Variants in CLASP2 observed in about 807,000 individuals in gnomAD.
The protein encoded by CLASP2 is CLIP-associating protein 2.
A neutral mutation model predicts 194.4 loss-of-function variants in CLASP2; 47 were observed. That is an observed-to-expected ratio of 0.24 (90% CI 0.19 to 0.31). The LOEUF (loss-of-function observed/expected upper bound fraction) is 0.31. Among genes scored for constraint, CLASP2 ranks in the 10% least tolerant of loss-of-function variants. The pLI, the probability that CLASP2 is intolerant of heterozygous loss-of-function variation, is 1.00. For missense variants in CLASP2, 1,445 were observed against 1,823.6 expected (o/e 0.79, Z 3.78); for synonymous variants, 619 against 633.5 (o/e 0.98, Z 0.34).
intron 8 of CLASP2, among the ~76,000 whole-genome samples, chr3:33,643,246 C>T (rs1450383125): frequency 1.3e-5 from 2 of 151,698 alleles, no homozygotes; most frequent in African/African-American, 4.8e-5. Context: ...TATATTATCA[C>T]CACAAATCTC....
intron 18 of CLASP2, among the ~76,000 whole-genome samples, chr3:33,599,456 T>C: frequency 6.6e-6 from 1 of 152,132 alleles, no homozygotes; most frequent in East Asian, 1.9e-4. Flanking sequence ...ATATACCAAG[T>C]GTCCACTGAA....
intron 34 of CLASP2, among the ~76,000 whole-genome samples, chr3:33,523,030 C>T (rs1208313049): frequency 8.5e-5 from 13 of 152,096 alleles, no homozygotes; most frequent in Admixed American, 3.3e-4. Flanking sequence ...AAGCTGAGAT[C>T]GCGCCACTGC....
chr3:33,525,402 C>T (rs1439740004), intron 34 of CLASP2, among the ~76,000 whole-genome samples: 1 of 152,034 alleles, frequency 6.6e-6, no homozygotes, highest in Non-Finnish European at 1.5e-5. Flanking sequence ...CACACACCTT[C>T]AACTCAAACA....
intron 6 of CLASP2, among the ~76,000 whole-genome samples, chr3:33,672,247 C>A (rs1389357135): frequency 3.9e-5 from 6 of 152,190 alleles, no homozygotes; most frequent in Admixed American, 2.6e-4. Context: ...TGAGACAAAA[C>A]TTCCAGAGGA....
intron 34 of CLASP2, among the ~76,000 whole-genome samples, chr3:33,528,715 T>C (rs2055301986): frequency 6.6e-6 from 1 of 151,398 alleles, no homozygotes; most frequent in Non-Finnish European, 1.5e-5. Flanking sequence ...TGAGCCAAGA[T>C]TGCGCCACAG....
chr3:33,565,852 A>C (rs1429561831), intron 27 of CLASP2, among the ~76,000 whole-genome samples: 2 of 151,360 alleles, frequency 1.3e-5, no homozygotes, highest in Non-Finnish European at 2.9e-5. Context: ...TATATATAAT[A>C]AATAAAATAT....
At chr3:33,559,438 T>C (rs965143224) in intron 28 of CLASP2, 53 bp from the exon 29 acceptor site, 2 of 1,006,572 alleles carry the variant, frequency 2.0e-6, no homozygotes, top group African/African-American at 1.6e-5. Flanking sequence ...CAAGTACGCA[T>C]GTAACAGCAA....
intron 18 of CLASP2, among the ~76,000 whole-genome samples, chr3:33,599,214 TCC>T (rs2071338507): frequency 6.6e-6 from 1 of 152,134 alleles, no homozygotes; most frequent in Non-Finnish European, 1.5e-5. Context: ...AGCCTCTACT[TCC>T]TGGGCTCCAG....
intron 18 of CLASP2, among the ~76,000 whole-genome samples, chr3:33,601,182 G>A (rs113439070): frequency 0.081 from 12,352 of 151,942 alleles, 530 homozygotes; most frequent in Admixed American, 0.1. Context: ...GGATGGTCTC[G>A]ATCTCCTGAC....
intron 6 of CLASP2, among the ~76,000 whole-genome samples, chr3:33,677,877 G>GA (rs1377373280): frequency 4.6e-4 from 34 of 74,370 alleles, no homozygotes; most frequent in African/African-American, 6.6e-4. Flanking sequence ...TGCCAAAAAG[G>GA]AAAAAAAAAA....
intron 2 of CLASP2, among the ~76,000 whole-genome samples, chr3:33,691,626 A>G (rs943451530): frequency 4.6e-5 from 7 of 152,348 alleles, no homozygotes; most frequent in Middle Eastern, 3.4e-3. Flanking sequence ...TTAACACTAG[A>G]AGAATTTATC....
intron 7 of CLASP2, among the ~76,000 whole-genome samples, chr3:33,653,107 G>C (rs1278624256): frequency 2.0e-5 from 3 of 152,118 alleles, no homozygotes; most frequent in Non-Finnish European, 2.9e-5. Context: ...AAGGCTGAGG[G>C]GGAACTGTAT....
At chr3:33,510,935 C>T (rs533505034) in intron 36 of CLASP2, among the ~76,000 whole-genome samples, 171 bp from the exon 37 acceptor site, 1 of 151,742 alleles carries the variant, frequency 6.6e-6, no homozygotes, top group Non-Finnish European at 1.5e-5. Flanking sequence ...AAAGGATTGG[C>T]AAAATGTCAG....
intron 12 of CLASP2, among the ~76,000 whole-genome samples, chr3:33,614,004 T>C (rs1325358981): frequency 6.6e-6 from 1 of 151,978 alleles, no homozygotes; most frequent in Non-Finnish European, 1.5e-5. Context: ...GTCAGAACAA[T>C]TTACACTTTA....
intron 7 of CLASP2, among the ~76,000 whole-genome samples, chr3:33,655,435 C>G (rs1575323922): frequency 6.6e-6 from 1 of 152,078 alleles, no homozygotes; most frequent in Admixed American, 6.5e-5. Flanking sequence ...CATAGGGTGG[C>G]TTTATTTTAG....
rs888203238 is a variant in CLASP2, at chr3:33,523,084, AAAAC to A, written c.3788-5914_3788-5911del. Among the ~76,000 whole-genome samples, 16 of 152,342 alleles carry A rather than the reference AAAAC, an allele frequency of 1.1e-4. 1 individual carries two copies. The South Asian group carries it at 1.4e-3, about 14-fold the overall frequency. On this transcript the variant is annotated intron_variant, in intron 34 of 38. Coordinates refer to ENST00000682230, the MANE Select transcript of CLASP2 (RefSeq NM_001365631.1). ...GAGAGAGACTCCATCTCAAAAACAA[AAAAC>A]AAACAAACAAACAAATTCACTAGTG...
chr3:33,535,253 T>C lies in CLASP2; in HGVS notation c.3767A>G (p.Asp1256Gly). ...CATACCGTCAGGAAACTGGTCAGCA[T>C]CATCATCAAACATGGCTTCCTTGAG... Reference protein sequence around the residue: ...SALKEAMFDDDADQFPDDLSL... With the variant: ...SALKEAMFDDGADQFPDDLSL... Residue 1256 changes from aspartate to glycine, a missense_variant, in exon 34 of 39, where the codon GAT becomes GGT. Physicochemically the swap from Asp to Gly is moderately conservative, Grantham distance 94. This residue lies in a region of CLASP2 where 732 missense variants were observed against 987.9 expected (regional missense o/e 0.74). Coordinates refer to ENST00000682230, the MANE Select transcript of CLASP2 (RefSeq NM_001365631.1). 2 of 1,613,536 alleles carry C rather than the reference T, an allele frequency of 1.2e-6. No homozygotes were observed. Among genetic ancestry groups the C allele is most frequent in the Non-Finnish European group, 1.7e-6 (2 of 1,179,442 alleles).
intron 34 of CLASP2, among the ~76,000 whole-genome samples, chr3:33,523,552 C>G (rs1169445331): frequency 6.6e-6 from 1 of 152,106 alleles, no homozygotes; most frequent in Non-Finnish European, 1.5e-5. Context: ...ACCAAGAATC[C>G]TACATCTGTC....
Position 33,606,763 on chromosome 3 carries a change from T to C in CLASP2, c.1527-5A>G. 3 of 1,567,402 alleles carry C rather than the reference T, an allele frequency of 1.9e-6. No homozygotes were observed. Among genetic ancestry groups the C allele is most frequent in the East Asian group, 4.5e-5 (2 of 44,178 alleles). ...TTTCTAAGACCCATGTATGTCCTGT[T>C]AAAAAAAAAGAAAAGCAGATGAAGT... On this transcript the variant is annotated splice_polypyrimidine_tract_variant and splice_region_variant and intron_variant, in intron 15 of 38. Coordinates refer to ENST00000682230, the MANE Select transcript of CLASP2 (RefSeq NM_001365631.1).
Sources: gnomAD v4.1 joint callset for allele counts (sites outside exome capture counted in the v4.1 genomes callset) on GRCh38, gnomAD v4.1.1 for gene constraint, gnomAD v4.1.1 regional missense constraint, MANE v1.5 for transcripts, NCBI Gene and HGNC (gene_info 2026-07-23, HGNC 2026-07-21) for gene names.